Variants in SLC44A5 observed in about 807,000 individuals in gnomAD.
The protein encoded by SLC44A5 is solute carrier family 44 member 5, also known as choline transporter-like protein 5.
In SLC44A5, 57 loss-of-function variants were observed where a neutral mutation model predicts 101.8. That is an observed-to-expected ratio of 0.56 (90% CI 0.45 to 0.70). The LOEUF is 0.70. Among genes scored for constraint, SLC44A5 ranks in the 30% least tolerant of loss-of-function variants. The pLI is 0.00. For synonymous variants in SLC44A5, 281 were observed against 290.9 expected (o/e 0.97, Z 0.35); for missense variants, 737 against 853.1 (o/e 0.86, Z 1.70).
chr1:75,562,513 C>T (rs1006687527), intron 1 of SLC44A5, among the ~76,000 whole-genome samples: 2 of 152,012 alleles, frequency 1.3e-5, no homozygotes, highest in Non-Finnish European at 2.9e-5. Context: ...GCCTGGGCAA[C>T]ATGGAGAACC....
intron 2 of SLC44A5, among the ~76,000 whole-genome samples, chr1:75,489,953 T>C (rs1668348029): frequency 6.6e-6 from 1 of 152,128 alleles, no homozygotes; most frequent in African/African-American, 2.4e-5. Context: ...TATTATATGT[T>C]CAATACGCTT....
chr1:75,498,060 T>A lies in SLC44A5; in HGVS notation c.13+43375A>T, dbSNP rs530498309. 2.6e-5 allele frequency among the ~76,000 whole-genome samples: 4 copies of A among 152,274 alleles called. No individual in the cohort carries two copies. The South Asian group carries it at 8.3e-4, about 32-fold the overall frequency. On this transcript the variant is annotated intron_variant, in intron 2 of 23. Coordinates refer to ENST00000370859, the MANE Select transcript of SLC44A5 (RefSeq NM_001130058.2). ...ATCATGTTGAGGAGGAGGATAAGAA[T>A]ACAACTTGAAAATTGCTAGAAAAAG...
chr1:75,658,996 T>C, the SLC44A5 span, among the ~76,000 whole-genome samples: 1 of 151,990 alleles, frequency 6.6e-6, no homozygotes, highest in African/African-American at 2.4e-5. Context: ...ATTATAAACA[T>C]CTATATGCCA....
chr1:75,529,253 G>GC (rs1207952428), intron 2 of SLC44A5, among the ~76,000 whole-genome samples: 1 of 152,176 alleles, frequency 6.6e-6, no homozygotes, highest in East Asian at 1.9e-4. Context: ...ATAAGAACTG[G>GC]CAACCCTTAG....
At chr1:75,363,351 G>A (rs1242830517) in intron 3 of SLC44A5, among the ~76,000 whole-genome samples, 1 of 151,558 alleles carries the variant, frequency 6.6e-6, no homozygotes, top group Non-Finnish European at 1.5e-5. Flanking sequence ...GTTATTTTTG[G>A]TTGTTTTGTA....
intron 1 of SLC44A5, among the ~76,000 whole-genome samples, chr1:75,567,122 A>G (rs953326951): frequency 3.3e-5 from 5 of 151,798 alleles, no homozygotes; most frequent in Admixed American, 2.6e-4. Flanking sequence ...TGATCATGTG[A>G]TCTTAGAAGT....
At chr1:75,547,629 T>A (rs1376063961) in intron 1 of SLC44A5, among the ~76,000 whole-genome samples, 1 of 152,158 alleles carries the variant, frequency 6.6e-6, no homozygotes, top group Non-Finnish European at 1.5e-5. Flanking sequence ...CAAAGAACAA[T>A]AACATCTACT....
chr1:75,310,760 A>C (rs1343861242), intron 4 of SLC44A5, among the ~76,000 whole-genome samples: 2 of 152,184 alleles, frequency 1.3e-5, no homozygotes, highest in African/African-American at 4.8e-5. Context: ...AATATTATAT[A>C]TTTTCACAGA....
intron 4 of SLC44A5, among the ~76,000 whole-genome samples, chr1:75,307,782 A>T (rs1249673): frequency 0.069 from 10,439 of 152,184 alleles, 1,238 homozygotes; most frequent in African/African-American, 0.24. Flanking sequence ...GCTTGAGGTT[A>T]TGCCGCACAC....
the SLC44A5 span, among the ~76,000 whole-genome samples, chr1:75,704,762 A>G: frequency 1.3e-5 from 2 of 152,202 alleles, no homozygotes; most frequent in African/African-American, 4.8e-5. Context: ...ATCTACAAAT[A>G]ATGACAGTGT....
the SLC44A5 span, among the ~76,000 whole-genome samples, chr1:75,633,847 G>A: frequency 1.3e-5 from 2 of 152,122 alleles, no homozygotes; most frequent in East Asian, 3.9e-4. Context: ...GTATGATATT[G>A]GCTGTGGGTT....
chr1:75,378,807 C>A (rs1234775960), intron 3 of SLC44A5, among the ~76,000 whole-genome samples: 1 of 81,030 alleles, frequency 1.2e-5, no homozygotes, highest in Non-Finnish European at 2.1e-5. Flanking sequence ...GAAAATAAGA[C>A]CCAACCGCCA....
chr1:75,283,789 G>A (rs567787341), intron 5 of SLC44A5, among the ~76,000 whole-genome samples: 13 of 151,756 alleles, frequency 8.6e-5, no homozygotes, highest in South Asian at 8.3e-4. Context: ...TTGCTTTGTC[G>A]AAGATCAGTT....
At chr1:75,618,122 C>T in the SLC44A5 span, among the ~76,000 whole-genome samples, 11 of 152,220 alleles carry the variant, frequency 7.2e-5, 1 homozygote, top group Non-Finnish European at 1.6e-4. Flanking sequence ...TGCTTCAGAC[C>T]AGGAATGGTT....
In SLC44A5 at chr1:75,591,658, C is replaced by T. The variant is rs532480972; in HGVS notation, c.-70+19382G>A. Among the ~76,000 whole-genome samples the T allele has an allele frequency of 2.9e-4, 44 of 152,168 alleles. No homozygotes were observed. In the South Asian group the frequency reaches 8.7e-3, roughly 30 times the overall value. ...TACTAGCAAACCAAACTCAACAATACACTAGAAAGATCGTTTATAATGACC... is the reference window on the plus strand; with the variant it reads ...TACTAGCAAACCAAACTCAACAATATACTAGAAAGATCGTTTATAATGACC... On this transcript the variant is annotated intron_variant, in intron 1 of 23. Coordinates refer to ENST00000370859, the MANE Select transcript of SLC44A5 (RefSeq NM_001130058.2).
At chr1:75,464,602 T>G (rs1265955800) in intron 2 of SLC44A5, among the ~76,000 whole-genome samples, 1 of 151,954 alleles carries the variant, frequency 6.6e-6, no homozygotes, top group Non-Finnish European at 1.5e-5. Context: ...CAAAATATAC[T>G]GACTGAATGG....
intron 6 of SLC44A5, among the ~76,000 whole-genome samples, chr1:75,256,623 A>G (rs1650042584): frequency 6.6e-6 from 1 of 152,190 alleles, no homozygotes; most frequent in African/African-American, 2.4e-5. Flanking sequence ...TTGAAGTTCC[A>G]GAACTGAACA....
At chr1:75,608,171 T>C (rs1570734893) in intron 1 of SLC44A5, among the ~76,000 whole-genome samples, 3 of 149,956 alleles carry the variant, frequency 2.0e-5, no homozygotes, top group Non-Finnish European at 4.4e-5. Context: ...TGTAAGTCAA[T>C]AGCAAAAACA....
chr1:75,556,804 G>A (rs1672242179), intron 1 of SLC44A5, among the ~76,000 whole-genome samples: 1 of 152,070 alleles, frequency 6.6e-6, no homozygotes, highest in South Asian at 2.1e-4. Flanking sequence ...CCCACGCACA[G>A]TGTACTACCT....
Sources: gnomAD v4.1 joint callset for allele counts (sites outside exome capture counted in the v4.1 genomes callset) on GRCh38, gnomAD v4.1.1 for gene constraint, MANE v1.5 for transcripts, NCBI Gene and HGNC (gene_info 2026-07-23, HGNC 2026-07-21) for gene names.